ANKRD36: variants seen among roughly 807,000 people sequenced by gnomAD.
ANKRD36 encodes ankyrin repeat domain 36.
A neutral mutation model predicts 278.1 loss-of-function variants in ANKRD36; 179 were observed. The ratio of observed to expected loss-of-function variants is 0.64; its 90% confidence interval spans 0.57 to 0.73. The LOEUF (loss-of-function observed/expected upper bound fraction) is 0.73. Among genes scored for constraint, ANKRD36 ranks in the 30% least tolerant of loss-of-function variants. ANKRD36 has a pLI of 0.00. For synonymous variants in ANKRD36, 320 were observed against 641.1 expected (o/e 0.50, Z 7.57); for missense variants, 1,159 against 1,956.7 (o/e 0.59, Z 7.69).
chr2:97,121,698 A>G (rs1019343712), intron 3 of ANKRD36, among the ~76,000 whole-genome samples: 1 of 152,084 alleles, frequency 6.6e-6, no homozygotes, highest in African/African-American at 2.4e-5. Flanking sequence ...TCATTATGCT[A>G]TAAATAATTC....
intron 60 of ANKRD36, among the ~76,000 whole-genome samples, chr2:97,214,359 C>T (rs1477173317): frequency 8.1e-6 from 1 of 124,062 alleles, no homozygotes; most frequent in Non-Finnish European, 1.7e-5. Flanking sequence ...AATATGAATA[C>T]ATTGGCTTCA....
chr2:97,205,115 A>T (rs1163577850), intron 50 of ANKRD36, among the ~76,000 whole-genome samples: 1 of 151,676 alleles, frequency 6.6e-6, no homozygotes, highest in Non-Finnish European at 1.5e-5. Context: ...ATTATGTTGC[A>T]TTCCAATGAA....
Position 97,149,336 on chromosome 2 carries a change from A to G in ANKRD36, c.1076A>G (p.Glu359Gly). Residue 359 changes from glutamate to glycine, a missense_variant, in exon 12 of 76, where the codon GAG becomes GGG. Glu to Gly is a moderately conservative substitution (Grantham distance 98). Coordinates refer to ENST00000420699, the MANE Select transcript of ANKRD36 (RefSeq NM_001354587.1). ...RPDAVAQPVT[E>G]NEFSLESEII... ...GATGCTGTTGCACAGCCTGTGACAGAGAATGAGTTTTCTTTGGAATCTGAG... is the reference window on the plus strand; with the variant it reads ...GATGCTGTTGCACAGCCTGTGACAGGGAATGAGTTTTCTTTGGAATCTGAG... 1 of 1,533,856 alleles carries G rather than the reference A, an allele frequency of 6.5e-7. No homozygotes were observed. The highest frequency in any genetic ancestry group is 8.7e-7 in the Non-Finnish European group (1 of 1,145,452).
intron 42 of ANKRD36, among the ~76,000 whole-genome samples, chr2:97,197,078 A>T (rs1447382410): frequency 2.0e-5 from 3 of 151,930 alleles, no homozygotes; most frequent in Non-Finnish European, 4.4e-5. Flanking sequence ...TTAATTCTCC[A>T]GCTTGTTTTC....
rs946706400 is a variant in ANKRD36 at position 97,127,439 on chromosome 2, A to G, written c.799+305A>G. On this transcript the variant is annotated intron_variant, in intron 6 of 75. Transcript: ENST00000420699. ...GTTGTATGTTTTTTTATAGTCACATAATAATGAATTAGACTTTTTATATAA... is the reference window on the plus strand; with the variant it reads ...GTTGTATGTTTTTTTATAGTCACATGATAATGAATTAGACTTTTTATATAA... 6.6e-5 allele frequency among the ~76,000 whole-genome samples: 10 copies of G among 152,088 alleles called. No homozygotes were observed. In the South Asian group the frequency reaches 8.4e-4, roughly 13 times the overall value.
intron 64 of ANKRD36, among the ~76,000 whole-genome samples, chr2:97,217,685 G>C (rs2066323299): frequency 6.6e-6 from 1 of 152,040 alleles, no homozygotes; most frequent in Non-Finnish European, 1.5e-5. Flanking sequence ...TGTTTCTATG[G>C]AAAGGGGAAG....
At position 97,189,271 on chromosome 2, in the gene ANKRD36, T is replaced by C; in HGVS notation, c.2226T>C (p.Asp742=). ...CGAATATAGCCACAGAAATAAAGGA[T>C]GGAGAAAAATCTGGGACAGGTAATT... ...SVSNIATEIK[D]GEKSGTVSSQ... is the part of the protein sequence containing the mutation. The change falls in exon 34 of 76, where the codon GAT becomes GAC. Residue 742 remains aspartate, a synonymous_variant. Transcript: ENST00000420699. 1.3e-6 allele frequency: 1 copy of C among 757,848 alleles called. No individual in the cohort carries two copies. Among genetic ancestry groups the C allele is most frequent in the Non-Finnish European group, 2.2e-6 (1 of 447,248 alleles). The allele number at this position is 757,848 out of a possible 1,614,324, so 46.9% of individuals were successfully genotyped here. A position where few individuals can be genotyped will look rare whatever the true frequency, so the allele number is the denominator to read the frequency against.
chr2:97,193,480 G>A (rs2058986093), intron 38 of ANKRD36, among the ~76,000 whole-genome samples: 1 of 116,246 alleles, frequency 8.6e-6, no homozygotes. Flanking sequence ...GAGACCCCTG[G>A]TGTAGCAACT....
At chr2:97,147,710 C>T (rs1270792973) in intron 11 of ANKRD36, among the ~76,000 whole-genome samples, 2 of 151,814 alleles carry the variant, frequency 1.3e-5, no homozygotes, top group East Asian at 2.0e-4. Context: ...ATTGAATGAG[C>T]TGTTGAACCT....
chr2:97,131,972 G>T (rs2040281861), intron 6 of ANKRD36, among the ~76,000 whole-genome samples: 1 of 151,844 alleles, frequency 6.6e-6, no homozygotes, highest in South Asian at 2.1e-4. Context: ...GGGACTACAG[G>T]CCTGCACCAC....
intron 42 of ANKRD36, among the ~76,000 whole-genome samples, 158 bp from the exon 43 acceptor site, chr2:97,198,305 T>C (rs1397883091): frequency 6.6e-6 from 1 of 151,932 alleles, no homozygotes; most frequent in Non-Finnish European, 1.5e-5. Flanking sequence ...TCTCAGCGTA[T>C]TTCTGTCACG....
intron 22 of ANKRD36, among the ~76,000 whole-genome samples, chr2:97,175,581 G>A (rs1313625325): frequency 1.3e-5 from 2 of 151,652 alleles, no homozygotes; most frequent in Non-Finnish European, 1.5e-5. Flanking sequence ...ACCAGCTCCT[G>A]GATTCATTAA....
intron 6 of ANKRD36, among the ~76,000 whole-genome samples, chr2:97,133,839 C>G (rs1379418317): frequency 6.6e-6 from 1 of 151,526 alleles, no homozygotes; most frequent in Non-Finnish European, 1.5e-5. Flanking sequence ...GCCATCCCCC[C>G]TCACGTGCAT....
At chr2:97,228,216 A>G (rs1001605021) in intron 67 of ANKRD36, among the ~76,000 whole-genome samples, 3 of 152,114 alleles carry the variant, frequency 2.0e-5, no homozygotes, top group Non-Finnish European at 4.4e-5. Context: ...GAAGGGTACC[A>G]CTTCCTCCTT....
At chr2:97,200,994 G>A (rs865956904) in intron 46 of ANKRD36, among the ~76,000 whole-genome samples, 1 of 151,866 alleles carries the variant, frequency 6.6e-6, no homozygotes, top group Middle Eastern at 3.2e-3. Context: ...TGTGAGGCAG[G>A]AAGGTGGGAA....
chr2:97,201,078 G>C (rs1575769324), intron 46 of ANKRD36, among the ~76,000 whole-genome samples: 1 of 151,878 alleles, frequency 6.6e-6, no homozygotes, highest in Non-Finnish European at 1.5e-5. Context: ...GATGCATTTG[G>C]AATATTTGCA....
chr2:97,207,874 A>G, intron 53 of ANKRD36, 35 bp downstream of exon 53: 1 of 1,544,710 alleles, frequency 6.5e-7, no homozygotes, highest in Non-Finnish European at 8.7e-7. Flanking sequence ...TGAACTAGTA[A>G]ATGTATAGTC....
rs1418132769 is a variant in ANKRD36 at position 97,231,211 on chromosome 2, T to G, written c.3952-2519T>G. On this transcript the variant is annotated intron_variant, in intron 67 of 75. Coordinates refer to ENST00000420699, the MANE Select transcript of ANKRD36 (RefSeq NM_001354587.1). The stretch of plus-strand genomic sequence containing the variant: ...CATTTAAGTCTGCAGAGGTTACTGC[T>G]GTCTTTTTGTTTCTCTGTGCCCTGC... Among the ~76,000 whole-genome samples the G allele has an allele frequency of 4.6e-5, 7 of 152,122 alleles. No homozygotes were observed. The East Asian group carries it at 1.2e-3, about 25-fold the overall frequency.
intron 58 of ANKRD36, among the ~76,000 whole-genome samples, chr2:97,212,094 T>C (rs1490109263): frequency 1.3e-5 from 2 of 151,864 alleles, no homozygotes. Context: ...AGGCGTCAGA[T>C]TGTATTGTGA....
Sources: gnomAD v4.1 joint callset for allele counts (sites outside exome capture counted in the v4.1 genomes callset) on GRCh38, gnomAD v4.1.1 for gene constraint, MANE v1.5 for transcripts, NCBI Gene and HGNC (gene_info 2026-07-23, HGNC 2026-07-21) for gene names.